DENND4A: variants seen among roughly 807,000 people sequenced by gnomAD.
DENND4A encodes C-myc promoter-binding protein.
Under a neutral mutation model 199.3 loss-of-function variants are expected in DENND4A, and 70 were observed. The ratio of observed to expected loss-of-function variants is 0.35; its 90% CI spans 0.29 to 0.43. The LOEUF is 0.43. DENND4A is among the 20% of genes least tolerant of loss of function. The pLI, the probability that DENND4A is intolerant of heterozygous loss-of-function variation, is 1.00. For missense variants in DENND4A, 1,723 were observed against 2,255.8 expected, an observed-to-expected ratio of 0.76 and a Z score of 4.78; for synonymous variants, 686 against 766.9, an observed-to-expected ratio of 0.89 and a Z score of 1.74.
Position 65,777,357 on chromosome 15 carries a change from A to AT in DENND4A, c.-102+14652dup, listed in dbSNP as rs796192501. Among the ~76,000 whole-genome samples, 1,337 of 143,810 alleles carry AT rather than the reference A, an allele frequency of 9.3e-3. 14 individuals are homozygous for AT. The highest frequency in any genetic ancestry group is 0.019 in the African/African-American group (761 of 39,328). 94.3% of individuals were successfully genotyped at this position (143,810 alleles called of 152,430 possible). On this transcript the variant is annotated intron_variant, in intron 1 of 32. Transcript: ENST00000443035. Reference sequence around the variant, plus strand: ...GCTTACATTTTTTAAATTACAAACAATTTTTTTTTTTTTAAGACAGAGTCT... The same window carrying AT: ...GCTTACATTTTTTAAATTACAAACAATTTTTTTTTTTTTTAAGACAGAGTCT...
At chr15:65,773,002 C>CAAAAAAAA (rs61241995) in intron 1 of DENND4A, among the ~76,000 whole-genome samples, 1 of 102,146 alleles carries the variant, frequency 9.8e-6, no homozygotes, top group Non-Finnish European at 2.0e-5. Flanking sequence ...TGTTTCTAAG[C>CAAAAAAAA]AAAAAAAAAA....
In DENND4A at chr15:65,697,335, C is replaced by T. The variant is rs1220268212; in HGVS notation, c.2882G>A (p.Arg961Lys). Residue 961 changes from arginine to lysine, a missense_variant, in exon 21 of 33, where the codon AGA (arginine) becomes AAA (lysine). Physicochemically the swap from Arg to Lys is conservative, Grantham distance 26. This residue lies in a region of DENND4A where 650 missense variants were observed against 738.1 expected (regional missense o/e 0.88). Transcript: ENST00000443035. ...GTCTTCAGTAGATGTATCCCCTCTT[C>T]TAACTTCATCTTTAGATAATGAATT... The part of the protein sequence containing the change: ...GYNSLSKDEV[R>K]RGDTSTEDIQ... 1 of 1,608,174 alleles carries T rather than the reference C, an allele frequency of 6.2e-7. No homozygotes were observed. The highest frequency in any genetic ancestry group is 1.3e-5 in the African/African-American group (1 of 74,754).
rs547256339 is a variant in DENND4A, at chr15:65,697,689, A to G, written c.2834-306T>C. Reference sequence around the variant, plus strand: ...GCTCCAAGACACAGACAAACCAGACATTCTTTATACAAGTCCATGACCTTT... The same window carrying G: ...GCTCCAAGACACAGACAAACCAGACGTTCTTTATACAAGTCCATGACCTTT... On this transcript the variant is annotated intron_variant, in intron 20 of 32. Coordinates refer to ENST00000443035, the MANE Select transcript of DENND4A (RefSeq NM_001320835.1). Among the ~76,000 whole-genome samples the G allele has an allele frequency of 7.9e-5, 12 of 152,314 alleles. 1 individual carries two copies. The South Asian group carries it at 2.3e-3, about 29-fold the overall frequency.
At chr15:65,780,835 A>C (rs1429849063) in intron 1 of DENND4A, among the ~76,000 whole-genome samples, 2 of 152,230 alleles carry the variant, frequency 1.3e-5, no homozygotes, top group Non-Finnish European at 2.9e-5. Flanking sequence ...CAAACAGCAA[A>C]GTCACGTTTC....
In DENND4A at chr15:65,691,070, TCTGTTTCA is replaced by T; in HGVS notation, c.3516_3523del (p.Ser1172ArgfsTer29). 2 of 1,613,150 alleles carry T rather than the reference TCTGTTTCA, an allele frequency of 1.2e-6. No individual in the cohort carries two copies. Among genetic ancestry groups the T allele is most frequent in the African/African-American group, 2.7e-5 (2 of 75,050 alleles). On this transcript the variant is annotated frameshift_variant, in exon 23 of 33. Transcript: ENST00000443035. LOFTEE classifies it high-confidence loss of function. ...AGCAACACATCCTGCTTTTGATACA[TCTGTTTCA>T]CTGTCTAAGTCTTCTAAGTCAAAAA...
intron 4 of DENND4A, among the ~76,000 whole-genome samples, chr15:65,743,097 A>C (rs796375286): frequency 2.6e-5 from 4 of 152,262 alleles, no homozygotes; most frequent in Non-Finnish European, 4.4e-5. Context: ...ATAATCTCCC[A>C]AACGGTCTTC....
Position 65,661,143 on chromosome 15 carries a change from T to C in DENND4A, c.*708A>G, listed in dbSNP as rs973549947. The C allele has an allele frequency of 6.6e-6, 1 of 152,010 alleles. No individual in the cohort carries two copies. The highest frequency in any genetic ancestry group is 1.5e-5 in the Non-Finnish European group (1 of 67,968). 9.4% of individuals were successfully genotyped at this position (152,010 alleles called of 1,614,324 possible). A position where few individuals can be genotyped will look rare whatever the true frequency, so the allele number is the denominator to read the frequency against. ...CTGGGCAGTGCACGCTACCCTTGCATAACTCACTCCCCACACTCAGGCTTA... is the reference window on the plus strand; with the variant it reads ...CTGGGCAGTGCACGCTACCCTTGCACAACTCACTCCCCACACTCAGGCTTA... On this transcript the variant is annotated 3_prime_UTR_variant, in exon 33 of 33. Coordinates refer to ENST00000443035, the MANE Select transcript of DENND4A (RefSeq NM_001320835.1).
At chr15:65,740,954 C>T (rs1257856310) in intron 5 of DENND4A, among the ~76,000 whole-genome samples, 1 of 151,870 alleles carries the variant, frequency 6.6e-6, no homozygotes, top group Non-Finnish European at 1.5e-5. Context: ...CGAATGAGAC[C>T]CCGTACCCCC....
At chr15:65,764,613 A>ACAG (rs2076933548) in intron 1 of DENND4A, among the ~76,000 whole-genome samples, 2 of 152,122 alleles carry the variant, frequency 1.3e-5, no homozygotes, top group African/African-American at 4.8e-5. Flanking sequence ...CCTGGGCAAT[A>ACAG]CAGCAAGACT....
At chr15:65,716,303 G>A (rs1443694170) in intron 13 of DENND4A, among the ~76,000 whole-genome samples, 1 of 149,832 alleles carries the variant, frequency 6.7e-6, no homozygotes, top group Non-Finnish European at 1.5e-5. Context: ...GTGCAGGTTT[G>A]TTACATATGT....
At chr15:65,755,108 G>A (rs1193952483) in intron 3 of DENND4A, among the ~76,000 whole-genome samples, 4 of 152,138 alleles carry the variant, frequency 2.6e-5, no homozygotes, top group Admixed American at 1.3e-4. Context: ...TAACATGGAT[G>A]AACCTTGAAA....
intron 23 of DENND4A, among the ~76,000 whole-genome samples, chr15:65,680,472 G>A (rs1354290287): frequency 6.6e-6 from 1 of 152,088 alleles, no homozygotes; most frequent in Non-Finnish European, 1.5e-5. Flanking sequence ...TGCTGTTTAT[G>A]CATACAAGAA....
At chr15:65,740,768 C>G (rs746238672) in intron 5 of DENND4A, among the ~76,000 whole-genome samples, 1 of 151,762 alleles carries the variant, frequency 6.6e-6, no homozygotes, top group Non-Finnish European at 1.5e-5. Flanking sequence ...TAAGACCAAC[C>G]TGGGCAACCT....
rs2075044136 is a variant in DENND4A, at chr15:65,706,221, C to A, written c.1957G>T (p.Asp653Tyr). ...AFFDDCVDKVDMDKSGEVRLI... is the reference protein window; with the variant it reads ...AFFDDCVDKVYMDKSGEVRLI... ...CGTACTTCACCGCTCTTGTCCATATCCACCTAAAGGAGTTTTAAAAACATA... is the reference window on the plus strand; with the variant it reads ...CGTACTTCACCGCTCTTGTCCATATACACCTAAAGGAGTTTTAAAAACATA... The change falls in exon 15 of 33, where the codon GAT becomes TAT. Residue 653 changes from aspartate to tyrosine, a missense_variant. Asp to Tyr is a radical substitution (Grantham distance 160). Coordinates refer to ENST00000443035, the MANE Select transcript of DENND4A (RefSeq NM_001320835.1). 1.3e-6 allele frequency: 2 copies of A among 1,554,224 alleles called. No individual in the cohort carries two copies. The highest frequency in any genetic ancestry group is 1.7e-6 in the Non-Finnish European group (2 of 1,150,092).
At chr15:65,782,127 A>ATAC (rs2077451336) in intron 1 of DENND4A, among the ~76,000 whole-genome samples, 1 of 152,218 alleles carries the variant, frequency 6.6e-6, no homozygotes, top group Non-Finnish European at 1.5e-5. Flanking sequence ...GTGACTGTGA[A>ATAC]TACTAAACAA....
At chr15:65,665,536 T>C in intron 29 of DENND4A, 74 bp from the exon 30 acceptor site, 2 of 1,193,412 alleles carry the variant, frequency 1.7e-6, no homozygotes, top group Non-Finnish European at 2.3e-6. Flanking sequence ...AAAATTCTTA[T>C]AAATATTTTT....
intron 1 of DENND4A, among the ~76,000 whole-genome samples, chr15:65,779,423 G>A (rs1036370529): frequency 2.7e-5 from 4 of 150,322 alleles, no homozygotes; most frequent in Non-Finnish European, 5.9e-5. Context: ...ACCCCAGCCT[G>A]GGAGATAGAG....
chr15:65,663,198 A>ATTTTTTTTTTT (rs139708249), intron 32 of DENND4A, among the ~76,000 whole-genome samples: 1 of 112,348 alleles, frequency 8.9e-6, no homozygotes, highest in Non-Finnish European at 1.7e-5. Context: ...ATATATATAT[A>ATTTTTTTTTTT]TTTTTTTTTT....
At chr15:65,715,789 T>G (rs190254958) in intron 13 of DENND4A, among the ~76,000 whole-genome samples, 166 bp from the exon 14 acceptor site, 1 of 152,100 alleles carries the variant, frequency 6.6e-6, no homozygotes, top group South Asian at 2.1e-4. Context: ...AATAGGAGAA[T>G]AGTAATAAAG....
Sources: allele counts gnomAD v4.1 joint callset (sites outside exome capture counted in the v4.1 genomes callset), GRCh38; gene constraint gnomAD v4.1.1; regional missense constraint gnomAD v4.1.1; transcripts MANE v1.5; gene names NCBI Gene and HGNC (gene_info 2026-07-23, HGNC 2026-07-21).